PFKFB3: variants seen among roughly 807,000 people sequenced by gnomAD.
PFKFB3 encodes 6-phosphofructo-2-kinase/fructose-2,6-biphosphatase 3.
In PFKFB3, 33 loss-of-function variants were observed where a neutral mutation model predicts 68.0. The ratio of observed to expected loss-of-function variants is 0.49; its 90% CI spans 0.37 to 0.65. PFKFB3 has a LOEUF of 0.65. Ranked by LOEUF, PFKFB3 falls within the 30% of genes least tolerant of loss-of-function variation. The probability of loss-of-function intolerance (pLI) is 0.00; values close to 1 mark genes in which losing one functional copy is unlikely to be tolerated. For synonymous variants in PFKFB3, 315 were observed against 288.2 expected (o/e 1.09, Z -0.94); for missense variants, 586 against 712.2 (o/e 0.82, Z 2.02).
the PFKFB3 span, among the ~76,000 whole-genome samples, chr10:6,291,373 G>A: frequency 6.6e-6 from 1 of 152,116 alleles, no homozygotes; most frequent in Admixed American, 6.6e-5. Context: ...TCAACATGGT[G>A]AAACCCTGTC....
intron 1 of PFKFB3, among the ~76,000 whole-genome samples, chr10:6,178,385 CAA>C (rs748997886): frequency 2.0e-5 from 3 of 152,166 alleles, no homozygotes; most frequent in Non-Finnish European, 2.9e-5. Context: ...CAACCAGCAA[CAA>C]GAGAACAGCG....
At chr10:6,266,117 C>G in the PFKFB3 span, among the ~76,000 whole-genome samples, 3 of 152,072 alleles carry the variant, frequency 2.0e-5, no homozygotes, top group Non-Finnish European at 4.4e-5. Context: ...CTATGTTGCC[C>G]AGGCTGGTCT....
the PFKFB3 span, among the ~76,000 whole-genome samples, chr10:6,263,590 A>G: frequency 0.61 from 92,761 of 152,080 alleles, 28,816 homozygotes; most frequent in Non-Finnish European, 0.69. Context: ...GCAGGAAGCC[A>G]ACCAGCAAGG....
downstream of PFKFB3, among the ~76,000 whole-genome samples, chr10:6,258,115 C>A (rs570006682): frequency 6.6e-6 from 1 of 152,092 alleles, no homozygotes; most frequent in Non-Finnish European, 1.5e-5. Context: ...AGTACATCGA[C>A]GGGAATTTCT....
intron 1 of PFKFB3, among the ~76,000 whole-genome samples, chr10:6,153,538 A>G (rs948856076): frequency 1.3e-5 from 2 of 152,132 alleles, no homozygotes; most frequent in Admixed American, 1.3e-4. Flanking sequence ...GTGAATGCCA[A>G]GAAGAAAATA....
chr10:6,225,947 G>C (rs1436765145), intron 13 of PFKFB3, among the ~76,000 whole-genome samples: 2 of 152,194 alleles, frequency 1.3e-5, no homozygotes, highest in African/African-American at 4.8e-5. Context: ...GTGTTTGTCT[G>C]TGTGGGGAAT....
the PFKFB3 span, chr10:6,277,781 T>C: frequency 2.4e-6 from 1 of 425,098 alleles, no homozygotes; most frequent in South Asian, 1.7e-5. Flanking sequence ...ATGAAACCTC[T>C]TTTCTTCATA....
chr10:6,226,391 G>A, intron 14 of PFKFB3, 26 bp downstream of exon 14: 1 of 1,578,718 alleles, frequency 6.3e-7, no homozygotes, highest in Non-Finnish European at 8.6e-7. Flanking sequence ...TTTCCTTCCT[G>A]CCTGGGGGAC....
Position 6,213,740 on chromosome 10 carries a change from C to T in PFKFB3, c.194C>T (p.Pro65Leu). The T allele has an allele frequency of 6.2e-7, 1 of 1,612,364 alleles. No individual in the cohort carries two copies. The highest frequency in any genetic ancestry group is 8.5e-7 in the Non-Finnish European group (1 of 1,179,310). Residue 65 changes from proline to leucine, a missense_variant, in exon 2 of 15, where the codon CCC becomes CTC. Pro to Leu is a moderately conservative substitution (Grantham distance 98). Transcript: ENST00000379775. ...LTRYLNWIGV[P>L]TKVFNVGEYR... ...CGCTACCTCAACTGGATTGGCGTCC[C>T]CACAAAAGGTGAGACTGGGTCTCGA...
chr10:6,194,767 GCA>G (rs1843130455), intron 1 of PFKFB3, among the ~76,000 whole-genome samples: 1 of 152,140 alleles, frequency 6.6e-6, no homozygotes, highest in South Asian at 2.1e-4. Context: ...TTGTCCCTTT[GCA>G]CAGTTTGCCT....
chr10:6,159,695 G>GAA (rs746368669), intron 1 of PFKFB3, among the ~76,000 whole-genome samples: 10 of 99,420 alleles, frequency 1.0e-4, no homozygotes, highest in Admixed American at 2.1e-4. Context: ...TCCGTCTGAG[G>GAA]AAAAAAAAAA....
chr10:6,254,081 A>G (rs1329983301), intron 14 of PFKFB3: 3 of 387,754 alleles, frequency 7.7e-6, no homozygotes, highest in Non-Finnish European at 1.3e-5. Context: ...TTTTTCATCC[A>G]TGTACTTTCA....
intron 1 of PFKFB3, among the ~76,000 whole-genome samples, chr10:6,148,432 C>T (rs1052187766): frequency 2.0e-5 from 3 of 152,178 alleles, no homozygotes; most frequent in African/African-American, 7.2e-5. Context: ...TGGGCCATGT[C>T]CCCTATGCTC....
Position 6,216,717 on chromosome 10 carries a change from C to T in PFKFB3, c.378C>T (p.Ala126=), listed in dbSNP as rs1844611729. ...KEGGQIAVFD[A]TNTTRERRHM... ...GCTCTCCATATCAGGTTTTCGATGC[C>T]ACCAATACTACTAGAGAGAGGAGAC... The change falls in exon 5 of 15, where the codon GCC becomes GCT. Residue 126 remains alanine (A), a synonymous_variant. Transcript: ENST00000379775. 1.2e-6 allele frequency: 2 copies of T among 1,612,054 alleles called. No individual in the cohort carries two copies. The highest frequency in any genetic ancestry group is 2.7e-5 in the African/African-American group (2 of 74,844).
At chr10:6,193,766 C>T (rs1301269437) in intron 1 of PFKFB3, among the ~76,000 whole-genome samples, 2 of 151,986 alleles carry the variant, frequency 1.3e-5, no homozygotes, top group African/African-American at 4.8e-5. Context: ...TCAGAAAGTA[C>T]ATTCTCAAGG....
At position 6,215,910 on chromosome 10, in the gene PFKFB3, T is replaced by C. The variant is rs2148292; in HGVS notation, c.300-215T>C. On this transcript the variant is annotated intron_variant, in intron 3 of 14. Transcript: ENST00000379775. This position sits in a 1 kb window ranked among gnomAD's most constrained non-coding sequence, Gnocchi z 4.3. ...AGTGGTTCCCGCGTGCAGCCCGGTT[T>C]GAGCACCGCCTCCCGAGGGTTCCTG... Among the ~76,000 whole-genome samples, 145,978 of 152,126 alleles carry C rather than the reference T, an allele frequency of 0.96. 70,205 individuals carry two copies. Among genetic ancestry groups the C allele is most frequent in the East Asian group, 1 (5,150 of 5,152 alleles).
the PFKFB3 span, among the ~76,000 whole-genome samples, chr10:6,269,243 G>A: frequency 6.8e-6 from 1 of 146,790 alleles, no homozygotes; most frequent in Non-Finnish European, 1.5e-5. Context: ...TTTTTCAGCT[G>A]TTAGATAAAG....
At chr10:6,153,867 A>T (rs1195050323) in intron 1 of PFKFB3, among the ~76,000 whole-genome samples, 1 of 149,556 alleles carries the variant, frequency 6.7e-6, no homozygotes, top group African/African-American at 2.5e-5. Flanking sequence ...AAAAAAAGAG[A>T]GGGGAGAGGG....
rs991955507 is a variant in PFKFB3, at chr10:6,189,393, A to G, written c.17-24230A>G. On this transcript the variant is annotated intron_variant, in intron 1 of 14. Coordinates refer to the PFKFB3 transcript ENST00000379789. ...TTTTTTAGAATTTTTTAGAATATTTAGAACTTGGGTCCATCTGTTGCTTCT... is the reference window on the plus strand; with the variant it reads ...TTTTTTAGAATTTTTTAGAATATTTGGAACTTGGGTCCATCTGTTGCTTCT... Among the ~76,000 whole-genome samples, 4 of 152,158 alleles carry G rather than the reference A, an allele frequency of 2.6e-5. No homozygotes were observed. The South Asian group carries it at 8.3e-4, about 32-fold the overall frequency.
Sources: gnomAD v4.1 joint callset for allele counts (sites outside exome capture counted in the v4.1 genomes callset) on GRCh38, gnomAD v4.1.1 for gene constraint, Gnocchi (gnomAD v3.1) non-coding constraint, MANE v1.5 for transcripts, NCBI Gene and HGNC (gene_info 2026-07-23, HGNC 2026-07-21) for gene names.